The following CSMD1 variants were observed in gnomAD, a reference collection of about 807,000 sequenced individuals.
CSMD1 encodes the protein CUB and Sushi multiple domains 1.
In CSMD1, 213 loss-of-function variants were observed where a neutral mutation model predicts 417.5. That is an observed-to-expected ratio of 0.51 (90% CI 0.46 to 0.57). The LOEUF is 0.57. Among genes scored for constraint, CSMD1 ranks in the 20% least tolerant of loss-of-function variants. CSMD1 has a pLI of 0.00. For synonymous variants in CSMD1, 2,862 were observed against 1,736.8 expected (o/e 1.65, Z -16.11); for missense variants, 6,923 against 4,529.7 (o/e 1.53, Z -15.17).
intron 5 of CSMD1, among the ~76,000 whole-genome samples, chr8:3,876,118 A>C (rs2129116903): frequency 6.6e-6 from 1 of 152,288 alleles, no homozygotes; most frequent in Non-Finnish European, 1.5e-5. Flanking sequence ...TTAAAAAATA[A>C]GTTAAAAAAG....
intron 3 of CSMD1, among the ~76,000 whole-genome samples, chr8:4,389,561 A>G (rs768753205): frequency 1.3e-5 from 2 of 152,208 alleles, no homozygotes; most frequent in Admixed American, 1.3e-4. Context: ...TAATTTATCA[A>G]AAGAACAAGA....
intron 3 of CSMD1, among the ~76,000 whole-genome samples, chr8:4,299,170 C>G (rs887412232): frequency 6.6e-6 from 1 of 151,902 alleles, no homozygotes; most frequent in African/African-American, 2.4e-5. Context: ...AAAAAAGAAA[C>G]GTTGTAAGAA....
At chr8:2,952,138 CATG>C in intron 65 of CSMD1, among the ~76,000 whole-genome samples, 1 of 152,264 alleles carries the variant, frequency 6.6e-6, no homozygotes, top group African/African-American at 2.4e-5. Context: ...TATAAATTCA[CATG>C]ATGATTTCAG....
chr8:3,847,205 T>C (rs1409941527), intron 5 of CSMD1, among the ~76,000 whole-genome samples: 1 of 152,086 alleles, frequency 6.6e-6, no homozygotes. Flanking sequence ...ACTCTTACCA[T>C]TATGTTACAT....
chr8:3,281,547 GAA>G (rs1009432294), intron 26 of CSMD1, among the ~76,000 whole-genome samples: 1 of 152,168 alleles, frequency 6.6e-6, no homozygotes, highest in African/African-American at 2.4e-5. Flanking sequence ...CCTGGAGCTT[GAA>G]AGTGTCTTAC....
At chr8:4,912,083 A>G (rs1216230894) in intron 1 of CSMD1, among the ~76,000 whole-genome samples, 2 of 145,114 alleles carry the variant, frequency 1.4e-5, no homozygotes, top group African/African-American at 5.1e-5. Flanking sequence ...GTTCTTTCCA[A>G]TTTCAGATCC....
chr8:3,884,944 T>C lies in CSMD1; in HGVS notation c.818+112959A>G, dbSNP rs761783685. On this transcript the variant is annotated intron_variant, in intron 5 of 69. Coordinates refer to ENST00000635120, the MANE Select transcript of CSMD1 (RefSeq NM_033225.6). ...ATATATATATATTCATATATATATA[T>C]ACACACACACACACATTCAGAAGGC... 1.1e-3 allele frequency among the ~76,000 whole-genome samples: 170 copies of C among 148,716 alleles called. 1 individual carries two copies. The highest frequency in any genetic ancestry group is 1.2e-3 in the African/African-American group (48 of 40,696).
At chr8:4,724,668 T>C (rs1809297887) in intron 1 of CSMD1, among the ~76,000 whole-genome samples, 1 of 152,074 alleles carries the variant, frequency 6.6e-6, no homozygotes, top group South Asian at 2.1e-4. Flanking sequence ...TGAATAAACT[T>C]GCTTTGTATT....
intron 7 of CSMD1, among the ~76,000 whole-genome samples, chr8:3,638,564 C>G (rs1318489079): frequency 6.6e-6 from 1 of 152,134 alleles, no homozygotes; most frequent in Non-Finnish European, 1.5e-5. Flanking sequence ...ATGCTTGTCC[C>G]TGCCTGCAAA....
chr8:3,960,133 G>A (rs1041022497), intron 5 of CSMD1, among the ~76,000 whole-genome samples: 1 of 152,178 alleles, frequency 6.6e-6, no homozygotes, highest in Non-Finnish European at 1.5e-5. Context: ...GATAATGATA[G>A]AAACTTACAG....
chr8:3,376,528 GA>G (rs1563325680), intron 18 of CSMD1, among the ~76,000 whole-genome samples: 5 of 151,906 alleles, frequency 3.3e-5, no homozygotes, highest in African/African-American at 1.2e-4. Context: ...CATTCTCCGT[GA>G]AAAATGTGCA....
rs113479731 is a variant in CSMD1 at position 4,029,532 on chromosome 8, A to C, written c.610+2373T>G. 1.4e-3 allele frequency among the ~76,000 whole-genome samples: 206 copies of C among 152,246 alleles called. 1 individual carries two copies. Among genetic ancestry groups the C allele is most frequent in the African/African-American group, 4.9e-3 (204 of 41,546 alleles). ...TTCACTATCACAAGAACAGCGCAGGAAAGAACTGCCTCCATGGTTCAATTA... is the reference window on the plus strand; with the variant it reads ...TTCACTATCACAAGAACAGCGCAGGCAAGAACTGCCTCCATGGTTCAATTA... On this transcript the variant is annotated intron_variant, in intron 4 of 69. Coordinates refer to ENST00000635120, the MANE Select transcript of CSMD1 (RefSeq NM_033225.6).
chr8:3,414,637 G>C lies in CSMD1; in HGVS notation c.1562-5032C>G, dbSNP rs190612252. Among the ~76,000 whole-genome samples, 3 of 152,188 alleles carry C rather than the reference G, an allele frequency of 2.0e-5. No homozygotes were observed. In the East Asian group the frequency reaches 5.8e-4, roughly 29 times the overall value. ...TTTCTGGTGACCAACTTTGTTCTTA[G>C]TCCAGATCCTATCCAGGACTCAGGA... On this transcript the variant is annotated intron_variant, in intron 12 of 69. Coordinates refer to ENST00000635120, the MANE Select transcript of CSMD1 (RefSeq NM_033225.6).
chr8:3,847,748 C>G (rs772627729), intron 5 of CSMD1, among the ~76,000 whole-genome samples: 1 of 152,126 alleles, frequency 6.6e-6, no homozygotes, highest in Non-Finnish European at 1.5e-5. Context: ...CACTGCAGTT[C>G]CAGCTCCATA....
intron 17 of CSMD1, 128 bp downstream of exon 17, chr8:3,396,066 G>A (rs903318601): frequency 4.1e-6 from 3 of 737,928 alleles, no homozygotes; most frequent in East Asian, 2.7e-5. Context: ...TGCATAGTAT[G>A]GTTTTGCTAG....
At chr8:3,426,406 C>G (rs907595166) in intron 12 of CSMD1, among the ~76,000 whole-genome samples, 1 of 152,138 alleles carries the variant, frequency 6.6e-6, no homozygotes, top group Admixed American at 6.6e-5. Context: ...AGCTCGACTT[C>G]TCTAACTTTG....
intron 5 of CSMD1, among the ~76,000 whole-genome samples, chr8:3,839,378 TATAC>T (rs919220280): frequency 5.5e-4 from 38 of 68,878 alleles, no homozygotes; most frequent in African/African-American, 1.8e-3. Flanking sequence ...TCTCTCTAGA[TATAC>T]AGTCTCCATA....
At chr8:4,841,930 A>AAAACAAAAAAAAACAAAAC (rs1800864566) in intron 1 of CSMD1, among the ~76,000 whole-genome samples, 1 of 122,426 alleles carries the variant, frequency 8.2e-6, no homozygotes, top group Non-Finnish European at 1.7e-5. Context: ...AAAAAAAAAA[A>AAAACAAAAAAAAACAAAAC]AAAAAAAAGT....
chr8:3,703,141 G>A (rs527657599), intron 7 of CSMD1, among the ~76,000 whole-genome samples: 1 of 152,226 alleles, frequency 6.6e-6, no homozygotes, highest in Admixed American at 6.5e-5. Flanking sequence ...ATTACAAGCT[G>A]GTGAAAAAGG....
Sources: gnomAD v4.1 joint callset for allele counts (sites outside exome capture counted in the v4.1 genomes callset) on GRCh38, gnomAD v4.1.1 for gene constraint, MANE v1.5 for transcripts, NCBI Gene and HGNC (gene_info 2026-07-23, HGNC 2026-07-21) for gene names.